Variants in ZCCHC4 observed in about 807,000 individuals in gnomAD.
ZCCHC4 encodes the protein zinc finger CCHC-type containing 4, also known as rRNA N(6)-adenosine-methyltransferase ZCCHC4.
A neutral mutation model predicts 67.7 loss-of-function variants in ZCCHC4; 54 were observed. The observed-to-expected ratio is 0.80, with a 90% CI of 0.64 to 1.00. The LOEUF is 1.00. ZCCHC4 is among the 50% of genes least tolerant of loss of function. The pLI is 0.00. For synonymous variants in ZCCHC4, 198 were observed against 213.5 expected (o/e 0.93, Z 0.63); for missense variants, 609 against 617.0 (o/e 0.99, Z 0.14).
intron 8 of ZCCHC4, 92 bp downstream of exon 8, chr4:25,351,781 A>C (rs1720311195): frequency 8.2e-7 from 1 of 1,217,208 alleles, no homozygotes; most frequent in East Asian, 2.4e-5. Flanking sequence ...AGTAAAATAC[A>C]ATGAGCTGTA....
intron 3 of ZCCHC4, among the ~76,000 whole-genome samples, chr4:25,327,869 C>G (rs753884309): frequency 6.6e-6 from 1 of 152,150 alleles, no homozygotes; most frequent in African/African-American, 2.4e-5. Flanking sequence ...TTCAAAAAAG[C>G]CTGTTAATAT....
chr4:25,333,376 T>C lies in ZCCHC4; in HGVS notation c.523T>C (p.Phe175Leu), dbSNP rs1040485399. 5.0e-6 allele frequency: 8 copies of C among 1,614,020 alleles called. No homozygotes were observed. Among genetic ancestry groups the C allele is most frequent in the Non-Finnish European group, 6.8e-6 (8 of 1,180,016 alleles). ...CAAGAAGACAAATGCCCAGTATCTG[T>C]TTGCTGATCGGAGCTGTCAGTTCTT... ...ENKKTNAQYL[F>L]ADRSCQFLVD... is the part of the protein sequence containing the mutation. Residue 175 changes from phenylalanine (F) to leucine (L), a missense_variant, in exon 4 of 13, where the codon TTT (phenylalanine) becomes CTT (leucine). Phe to Leu is a conservative substitution (Grantham distance 22). Transcript: ENST00000302874.
chr4:25,332,136 T>C (rs1414700797), intron 3 of ZCCHC4, among the ~76,000 whole-genome samples: 1 of 152,014 alleles, frequency 6.6e-6, no homozygotes, highest in Non-Finnish European at 1.5e-5. Context: ...GGTGAAACCC[T>C]GTCTCTACTA....
chr4:25,352,054 C>T (rs1447907364), intron 8 of ZCCHC4: 31 of 997,526 alleles, frequency 3.1e-5, no homozygotes, highest in Non-Finnish European at 3.5e-5. Context: ...TCATTATGAA[C>T]GTTGGTTTCC....
At chr4:25,364,582 T>G (rs1720871209) in intron 11 of ZCCHC4, 77 bp downstream of exon 11, 1 of 1,295,640 alleles carries the variant, frequency 7.7e-7, no homozygotes, top group South Asian at 1.4e-5. Context: ...GATTTTTCAT[T>G]GGATTTATAA....
chr4:25,343,211 G>C (rs1719838414), intron 5 of ZCCHC4, among the ~76,000 whole-genome samples: 1 of 152,104 alleles, frequency 6.6e-6, no homozygotes, highest in African/African-American at 2.4e-5. Flanking sequence ...TTTTTGGAAA[G>C]TTCATTAGGT....
At chr4:25,334,862 G>A in intron 5 of ZCCHC4, among the ~76,000 whole-genome samples, 1 of 151,108 alleles carries the variant, frequency 6.6e-6, no homozygotes, top group East Asian at 1.9e-4. Context: ...CTCTTAGACA[G>A]GGTCTCGCTC....
intron 8 of ZCCHC4, among the ~76,000 whole-genome samples, chr4:25,360,283 T>C (rs1423972959): frequency 1.3e-5 from 2 of 152,258 alleles, no homozygotes; most frequent in Admixed American, 1.3e-4. Context: ...CCGCCTTCCT[T>C]GCAGCCAAGT....
chr4:25,320,107 A>G (rs2109050189), intron 3 of ZCCHC4, among the ~76,000 whole-genome samples: 1 of 151,896 alleles, frequency 6.6e-6, no homozygotes, highest in Non-Finnish European at 1.5e-5. Context: ...CATTTTTCTA[A>G]TCTCACTCTT....
intron 5 of ZCCHC4, among the ~76,000 whole-genome samples, chr4:25,343,811 T>G (rs1719865274): frequency 6.6e-6 from 1 of 152,220 alleles, no homozygotes; most frequent in African/African-American, 2.4e-5. Context: ...AATGGGTAAC[T>G]GAGTAGAAAT....
chr4:25,360,001 G>A (rs375288173), intron 8 of ZCCHC4, among the ~76,000 whole-genome samples: 9 of 152,240 alleles, frequency 5.9e-5, no homozygotes, highest in East Asian at 1.9e-4. Context: ...CAGCTGTGCC[G>A]TCTATCACGG....
chr4:25,358,429 C>T (rs1030604754), intron 8 of ZCCHC4, among the ~76,000 whole-genome samples: 1 of 152,082 alleles, frequency 6.6e-6, no homozygotes, highest in Non-Finnish European at 1.5e-5. Flanking sequence ...TTTTTTAATG[C>T]CAAAAGCTAA....
Position 25,333,604 on chromosome 4 carries a change from A to C in ZCCHC4, c.605+146A>C. ...GTAAAGCACAGTCCCTCTCTTAAGGAGTTTGCAACCTGTATTCCATTTGAG... is the reference window on the plus strand; with the variant it reads ...GTAAAGCACAGTCCCTCTCTTAAGGCGTTTGCAACCTGTATTCCATTTGAG... On this transcript the variant is annotated intron_variant, in intron 4 of 12. Transcript: ENST00000302874. 3 of 891,836 alleles carry C rather than the reference A, an allele frequency of 3.4e-6. No individual in the cohort carries two copies. The South Asian group carries it at 5.5e-5, about 16-fold the overall frequency. 55.2% of individuals were successfully genotyped at this position (891,836 alleles called of 1,614,324 possible).
At chr4:25,334,322 C>T (rs999950551) in intron 5 of ZCCHC4, among the ~76,000 whole-genome samples, 1 of 152,206 alleles carries the variant, frequency 6.6e-6, no homozygotes, top group East Asian at 1.9e-4. Context: ...CTGCCTCATA[C>T]TTAATCAGAC....
chr4:25,336,755 G>A (rs996266581), intron 5 of ZCCHC4, among the ~76,000 whole-genome samples: 6 of 152,280 alleles, frequency 3.9e-5, no homozygotes, highest in Middle Eastern at 3.4e-3. Flanking sequence ...CCAAATTGCT[G>A]GAATTACAGG....
At chr4:25,346,233 G>A (rs541146485) in intron 6 of ZCCHC4, among the ~76,000 whole-genome samples, 47 of 135,680 alleles carry the variant, frequency 3.5e-4, no homozygotes, top group African/African-American at 1.5e-3. Flanking sequence ...AAAAATAAAA[G>A]TTCTTTAAAA....
rs775338083 is a variant in ZCCHC4 at position 25,349,637 on chromosome 4, G to A, written c.905G>A (p.Ser302Asn). Residue 302 changes from serine to asparagine, a missense_variant, in exon 7 of 13, where the codon AGC becomes AAC. Transcript: ENST00000302874. ...KLIAMWKEGQ[S>N]QDDSHKELPI... is the part of the protein sequence containing the mutation. ...ATTGCTATGTGGAAAGAAGGTCAAAGCCAAGGTGTATAATTTATTACTGCA... is the reference window on the plus strand; with the variant it reads ...ATTGCTATGTGGAAAGAAGGTCAAAACCAAGGTGTATAATTTATTACTGCA... The A allele has an allele frequency of 1.2e-6, 2 of 1,613,638 alleles. No individual in the cohort carries two copies. The highest frequency in any genetic ancestry group is 8.5e-7 in the Non-Finnish European group (1 of 1,179,782).
chr4:25,351,656 G>A lies in ZCCHC4; in HGVS notation c.978G>A (p.Gln326=), dbSNP rs1560412936. 1.9e-6 allele frequency: 3 copies of A among 1,612,236 alleles called. No individual in the cohort carries two copies. In the South Asian group the frequency reaches 3.3e-5, roughly 18 times the overall value. ...ATTTTTTTGAATCCCGAATTTGTCA[G>A]TTTTTTCCAAGCTTCCAGATGCTGG... is the stretch of plus-strand genomic sequence containing the variant. ...FPYFFESRIC[Q]FFPSFQMLDY... The change falls in exon 8 of 13, where the codon CAG becomes CAA. Residue 326 remains glutamine (Q), a synonymous_variant. Coordinates refer to ENST00000302874, the MANE Select transcript of ZCCHC4 (RefSeq NM_024936.3).
intron 6 of ZCCHC4, among the ~76,000 whole-genome samples, chr4:25,346,327 T>TA (rs1236053008): frequency 6.6e-6 from 1 of 152,202 alleles, no homozygotes; most frequent in African/African-American, 2.4e-5. Flanking sequence ...GTAGAGCTGA[T>TA]ACATTTAGTT....
Sources: allele counts gnomAD v4.1 joint callset (sites outside exome capture counted in the v4.1 genomes callset), GRCh38; gene constraint gnomAD v4.1.1; transcripts MANE v1.5; gene names NCBI Gene and HGNC (gene_info 2026-07-23, HGNC 2026-07-21).